Variants in ACSM1 observed in about 807,000 individuals in gnomAD.
ACSM1 encodes acyl-coenzyme A synthetase ACSM1, mitochondrial.
A neutral mutation model predicts 75.8 loss-of-function variants in ACSM1; 79 were observed. The ratio of observed to expected loss-of-function variants is 1.04; its 90% CI spans 0.87 to 1.26. The LOEUF (loss-of-function observed/expected upper bound fraction) is 1.26, where lower values mean the gene tolerates loss of function less well. Among genes scored for constraint, ACSM1 ranks in the 50% most tolerant of loss-of-function variants. The pLI is 0.00. For missense variants in ACSM1, 676 were observed against 720.1 expected, an observed-to-expected ratio of 0.94 and a Z score of 0.70; for synonymous variants, 279 against 265.8, an observed-to-expected ratio of 1.05 and a Z score of -0.48.
chr16:20,672,697 GTA>G (rs72202950), intron 4 of ACSM1, among the ~76,000 whole-genome samples: 13,028 of 123,032 alleles, frequency 0.11, 788 homozygotes, highest in East Asian at 0.21. Flanking sequence ...TTATATATAA[GTA>G]TATATATACA....
intron 4 of ACSM1, chr16:20,680,467 G>A (rs748531947): frequency 1.3e-5 from 2 of 152,188 alleles, no homozygotes; most frequent in Admixed American, 1.3e-4. Flanking sequence ...TGTACGTGGA[G>A]GAACTAATAT....
intron 1 of ACSM1, among the ~76,000 whole-genome samples, chr16:20,694,242 C>T (rs1362830003): frequency 3.3e-5 from 5 of 152,192 alleles, no homozygotes; most frequent in Admixed American, 2.0e-4. Flanking sequence ...CAGTGGAAAC[C>T]GGACACAGCA....
At chr16:20,689,005 T>A (rs930512513) in intron 2 of ACSM1, among the ~76,000 whole-genome samples, 7 of 148,510 alleles carry the variant, frequency 4.7e-5, no homozygotes, top group Admixed American at 1.4e-4. Context: ...ATATTATATA[T>A]TAATATATGT....
At chr16:20,686,824 TTAAC>T (rs2079561937) in intron 2 of ACSM1, among the ~76,000 whole-genome samples, 1 of 151,490 alleles carries the variant, frequency 6.6e-6, no homozygotes, top group African/African-American at 2.4e-5. Context: ...AAAAAAAAGT[TTAAC>T]TATGGAAAGT....
chr16:20,630,976 A>G (rs1567246012), intron 10 of ACSM1, among the ~76,000 whole-genome samples: 1 of 152,268 alleles, frequency 6.6e-6, no homozygotes, highest in Non-Finnish European at 1.5e-5. Context: ...CTTGAGACAA[A>G]TGAAATAAAA....
intron 1 of ACSM1, 24 bp from the exon 2 acceptor site, chr16:20,691,263 T>C (rs961763843): frequency 5.5e-6 from 7 of 1,274,114 alleles, no homozygotes; most frequent in South Asian, 4.9e-5. Context: ...GGCTAATAGA[T>C]TGGCTGTGTA....
chr16:20,660,041 C>A (rs1477475792), intron 7 of ACSM1, among the ~76,000 whole-genome samples: 1 of 152,206 alleles, frequency 6.6e-6, no homozygotes, highest in Non-Finnish European at 1.5e-5. Context: ...TCCTGACCAC[C>A]TTGGGCACAT....
chr16:20,693,801 G>A (rs1384276359), intron 1 of ACSM1, among the ~76,000 whole-genome samples: 1 of 152,202 alleles, frequency 6.6e-6, no homozygotes, highest in Non-Finnish European at 1.5e-5. Flanking sequence ...CATCCCAGGA[G>A]AGGCAGGAAT....
At chr16:20,685,821 A>G (rs2079539530) in intron 2 of ACSM1, among the ~76,000 whole-genome samples, 1 of 114,896 alleles carries the variant, frequency 8.7e-6, no homozygotes, top group Non-Finnish European at 1.9e-5. Flanking sequence ...CTCCGTCTCA[A>G]AAAAAAAAAA....
chr16:20,649,324 A>C (rs2018526460), intron 7 of ACSM1, among the ~76,000 whole-genome samples: 1 of 152,196 alleles, frequency 6.6e-6, no homozygotes, highest in Non-Finnish European at 1.5e-5. Flanking sequence ...ACTCTGGCAT[A>C]CCATTATGAG....
In ACSM1 at chr16:20,657,290, G is replaced by GT. The variant is rs201146196; in HGVS notation, c.992+4503dup. ...TTGTTGGGTTTGTTTTTTTGGGTTT[G>GT]TTTTTTTGGTTTTGTTTTTTGTTTT... On this transcript the variant is annotated intron_variant, in intron 7 of 13. Transcript: ENST00000520010. Among the ~76,000 whole-genome samples, 721 of 151,170 alleles carry GT rather than the reference G, an allele frequency of 4.8e-3. 3 individuals are homozygous for GT. The highest frequency in any genetic ancestry group is 0.014 in the Middle Eastern group (4 of 294).
intron 4 of ACSM1, among the ~76,000 whole-genome samples, chr16:20,677,099 T>C (rs2020332647): frequency 6.6e-6 from 1 of 151,976 alleles, no homozygotes; most frequent in Admixed American, 6.6e-5. Flanking sequence ...ATAAGAGAGT[T>C]CCTAAGGGCA....
chr16:20,637,525 C>T, intron 8 of ACSM1, 74 bp from the exon 9 acceptor site: 1 of 1,236,898 alleles, frequency 8.1e-7, no homozygotes, highest in Non-Finnish European at 1.2e-6. Context: ...GAATCATACA[C>T]AGCATCCTCT....
chr16:20,671,654 T>C lies in ACSM1; in HGVS notation c.629A>G (p.His210Arg). 6.3e-7 allele frequency: 1 copy of C among 1,585,658 alleles called. No individual in the cohort carries two copies. The highest frequency in any genetic ancestry group is 1.1e-5 in the South Asian group (1 of 87,638). ...CAAGGTCTTTGACTTAACACAGGTG[T>C]GTTCTGGGGATGCTGATCTGCAAAG... ...RSLVKSASPEHTCVKSKTLDP... is the reference protein window; with the variant it reads ...RSLVKSASPERTCVKSKTLDP... The change falls in exon 5 of 14, where the codon CAC becomes CGC. Residue 210 changes from histidine (H) to arginine (R), a missense_variant. Coordinates refer to ENST00000520010, the MANE Select transcript of ACSM1 (RefSeq NM_001318890.3).
chr16:20,661,337 T>C lies in ACSM1; in HGVS notation c.992+457A>G, dbSNP rs2019288131. 2.0e-5 allele frequency among the ~76,000 whole-genome samples: 3 copies of C among 152,040 alleles called. No individual in the cohort carries two copies. The South Asian group carries it at 6.2e-4, about 32-fold the overall frequency. ...ATTCGAACACATGTAAAATAAAATT[T>C]TGGTTAGGGATAGTTCCTTAGGAGG... On this transcript the variant is annotated intron_variant, in intron 7 of 13. Transcript: ENST00000520010.
chr16:20,696,923 A>C (rs1383814920), intron 1 of ACSM1, among the ~76,000 whole-genome samples: 1 of 152,154 alleles, frequency 6.6e-6, no homozygotes, highest in Non-Finnish European at 1.5e-5. Context: ...CATGTCTCTG[A>C]ACTTAAGCGC....
chr16:20,682,210 A>T, intron 4 of ACSM1, 46 bp downstream of exon 4: 1 of 1,583,832 alleles, frequency 6.3e-7, no homozygotes, highest in South Asian at 1.1e-5. Flanking sequence ...AAATTATCCC[A>T]CAACAACTGT....
intron 10 of ACSM1, among the ~76,000 whole-genome samples, chr16:20,632,818 T>C: frequency 6.6e-6 from 1 of 152,106 alleles, no homozygotes; most frequent in Non-Finnish European, 1.5e-5. Flanking sequence ...CCAGAAACAC[T>C]TTAAAAGAAT....
intron 2 of ACSM1, among the ~76,000 whole-genome samples, chr16:20,688,988 ATATAT>A (rs929377426): frequency 2.7e-5 from 4 of 148,366 alleles, no homozygotes; most frequent in African/African-American, 4.9e-5. Context: ...TAATATGTTA[ATATAT>A]TATATTATAT....
Sources: gnomAD v4.1 joint callset for allele counts (sites outside exome capture counted in the v4.1 genomes callset) on GRCh38, gnomAD v4.1.1 for gene constraint, MANE v1.5 for transcripts, NCBI Gene and HGNC (gene_info 2026-07-23, HGNC 2026-07-21) for gene names.